GRIN2A: variants seen among roughly 807,000 people sequenced by gnomAD.
GRIN2A encodes the protein glutamate receptor ionotropic, NMDA 2A.
GRIN2A carries 22 observed loss-of-function variants against 113.4 expected under a neutral mutation model. The observed-to-expected ratio is 0.19, with a 90% confidence interval of 0.14 to 0.28. The LOEUF (loss-of-function observed/expected upper bound fraction) is 0.28. GRIN2A is among the 10% of genes least tolerant of loss of function. GRIN2A has a pLI of 1.00. For synonymous variants in GRIN2A, 827 were observed against 738.4 expected, an observed-to-expected ratio of 1.12 and a Z score of -1.94; for missense variants, 1,502 against 1,887.0, an observed-to-expected ratio of 0.80 and a Z score of 3.78.
At position 9,779,819 on chromosome 16, in the gene GRIN2A, T is replaced by A. The variant is rs149827335; in HGVS notation, c.2357-10730A>T. 8.5e-5 allele frequency among the ~76,000 whole-genome samples: 13 copies of A among 152,164 alleles called. No homozygotes were observed. In the East Asian group the frequency reaches 2.5e-3, roughly 29 times the overall value. On this transcript the variant is annotated intron_variant, in intron 11 of 12. Coordinates refer to ENST00000330684, the MANE Select transcript of GRIN2A (RefSeq NM_001134407.3). ...CTTTTCCCAAGTCTAAGGCACCAGA[T>A]GGGGTGAGACAGTGGCCAGGGATGA...
At chr16:10,085,912 T>C (rs2048077411) in intron 2 of GRIN2A, among the ~76,000 whole-genome samples, 1 of 152,178 alleles carries the variant, frequency 6.6e-6, no homozygotes, top group Non-Finnish European at 1.5e-5. Flanking sequence ...CCAAAGTTTA[T>C]GCGCTTAACC....
rs868849193 is a variant in GRIN2A at position 9,759,721 on chromosome 16, A to T, written c.*3428T>A. The stretch of plus-strand genomic sequence containing the variant: ...TAACGCAGAGAGATTTGCAGAGGAC[A>T]TAACAGTAATGAGTGGTGAGATTGT... On this transcript the variant is annotated 3_prime_UTR_variant, in exon 13 of 13. Coordinates refer to ENST00000330684, the MANE Select transcript of GRIN2A (RefSeq NM_001134407.3). 4.4e-6 allele frequency: 1 copy of T among 228,834 alleles called. No individual in the cohort carries two copies. Among genetic ancestry groups the T allele is most frequent in the Non-Finnish European group, 8.7e-6 (1 of 115,406 alleles). 14.2% of individuals were successfully genotyped at this position (228,834 alleles called of 1,614,324 possible). A position where few individuals can be genotyped will look rare whatever the true frequency, so the allele number is the denominator to read the frequency against.
intron 10 of GRIN2A, among the ~76,000 whole-genome samples, chr16:9,818,231 T>G (rs1187643014): frequency 6.6e-6 from 1 of 151,994 alleles, no homozygotes; most frequent in Non-Finnish European, 1.5e-5. Flanking sequence ...CAACACAAAG[T>G]TGATCGGATC....
intron 2 of GRIN2A, among the ~76,000 whole-genome samples, chr16:10,007,555 T>A (rs1461730234): frequency 6.6e-6 from 1 of 152,218 alleles, no homozygotes; most frequent in Non-Finnish European, 1.5e-5. Flanking sequence ...GGATAGTTTT[T>A]AAATATTTTC....
chr16:10,047,916 A>G (rs2047288302), intron 2 of GRIN2A, among the ~76,000 whole-genome samples: 1 of 152,062 alleles, frequency 6.6e-6, no homozygotes, highest in South Asian at 2.1e-4. Flanking sequence ...GCTTACTAAC[A>G]TATGTCTCAC....
intron 2 of GRIN2A, among the ~76,000 whole-genome samples, chr16:9,972,347 T>C (rs1218865835): frequency 1.3e-5 from 2 of 152,138 alleles, no homozygotes; most frequent in Non-Finnish European, 2.9e-5. Flanking sequence ...TTACTTTACA[T>C]ATAAGAAGTA....
At chr16:10,101,678 G>A (rs2048399599) in intron 2 of GRIN2A, among the ~76,000 whole-genome samples, 1 of 152,166 alleles carries the variant, frequency 6.6e-6, no homozygotes, top group Non-Finnish European at 1.5e-5. Context: ...TCCCAGCAAG[G>A]AAAACCTGGG....
chr16:9,799,247 C>T (rs527811738), intron 10 of GRIN2A, among the ~76,000 whole-genome samples: 1 of 152,290 alleles, frequency 6.6e-6, no homozygotes, highest in Admixed American at 6.5e-5. Flanking sequence ...GTAGGGTGAA[C>T]CCCTAATCCA....
rs564567423 is a variant in GRIN2A at position 9,849,249 on chromosome 16, AG to A, written c.1328+506del. Among the ~76,000 whole-genome samples the A allele has an allele frequency of 3.9e-3, 565 of 145,820 alleles. 3 individuals are homozygous for A. The highest frequency in any genetic ancestry group is 0.012 in the Admixed American group (174 of 14,478). ...TAATGTTTTATATTTTAATATATTAAGATATGTTTTATATTTATTTTAATAT... is the reference window on the plus strand; with the variant it reads ...TAATGTTTTATATTTTAATATATTAAATATGTTTTATATTTATTTTAATAT... On this transcript the variant is annotated intron_variant, in intron 5 of 12. Transcript: ENST00000330684.
intron 5 of GRIN2A, 63 bp downstream of exon 5, chr16:9,849,693 T>G (rs1195766435): frequency 8.6e-7 from 1 of 1,157,806 alleles, no homozygotes; most frequent in African/African-American, 1.5e-5. Flanking sequence ...ATTGTTACTA[T>G]CGATGATCCA....
At chr16:9,777,841 A>T (rs1347363131) in intron 11 of GRIN2A, among the ~76,000 whole-genome samples, 2 of 152,250 alleles carry the variant, frequency 1.3e-5, no homozygotes, top group African/African-American at 4.8e-5. Context: ...AGGCACGCAG[A>T]TCACCTGGGG....
intron 2 of GRIN2A, among the ~76,000 whole-genome samples, chr16:10,018,886 C>T (rs546499990): frequency 5.3e-5 from 8 of 152,326 alleles, no homozygotes; most frequent in Non-Finnish European, 1.2e-4. Context: ...TCCACCTTCC[C>T]AATCTGAGCA....
At chr16:10,002,167 T>A (rs752491925) in intron 2 of GRIN2A, among the ~76,000 whole-genome samples, 68 of 152,104 alleles carry the variant, frequency 4.5e-4, no homozygotes, top group Non-Finnish European at 9.1e-4. Flanking sequence ...GCAAATGGCA[T>A]AAAATAATCA....
intron 2 of GRIN2A, among the ~76,000 whole-genome samples, chr16:9,990,781 C>A (rs1159614092): frequency 6.6e-6 from 1 of 151,900 alleles, no homozygotes; most frequent in African/African-American, 2.4e-5. Flanking sequence ...TAAGAAATAA[C>A]TTGGGCTAGG....
rs531659566 is a variant in GRIN2A, at chr16:10,098,941, C to A, written c.414+81057G>T. The stretch of plus-strand genomic sequence containing the variant: ...ATACCTACTGTCCCCCCTCCCCCCC[C>A]CAAAAAAAACCTATGGAAATTTTAG... On this transcript the variant is annotated intron_variant, in intron 2 of 12. Coordinates refer to ENST00000330684, the MANE Select transcript of GRIN2A (RefSeq NM_001134407.3). 8.6e-4 allele frequency among the ~76,000 whole-genome samples: 108 copies of A among 125,940 alleles called. 1 individual carries two copies. In the Middle Eastern group the frequency reaches 0.022, roughly 25 times the overall value. The allele number at this position is 125,940 out of a possible 152,430, so 82.6% of individuals were successfully genotyped here. A position where few individuals can be genotyped will look rare whatever the true frequency, so the allele number is the denominator to read the frequency against.
Position 9,769,078 on chromosome 16 carries a change from C to G in GRIN2A, c.2368G>C (p.Glu790Gln). 1 of 1,613,368 alleles carries G rather than the reference C, an allele frequency of 6.2e-7. No homozygotes were observed. The highest frequency in any genetic ancestry group is 8.5e-7 in the Non-Finnish European group (1 of 1,179,318). ...LQFVGDGEME[E>Q]LETLWLTGIC... ...CCAGTGAGCCACAGGGTCTCCAGCT[C>G]CTCCATCTCACCTGGACAGATCACA... The change falls in exon 12 of 13, where the codon GAG becomes CAG. Residue 790 changes from glutamate (E) to glutamine (Q), a missense_variant. Transcript: ENST00000330684.
chr16:10,179,839 G>A, intron 2 of GRIN2A, 159 bp downstream of exon 2: 1 of 695,882 alleles, frequency 1.4e-6, no homozygotes, highest in Non-Finnish European at 2.6e-6. Context: ...GGTTGGAGAG[G>A]CAAGACCTGG....
chr16:9,866,599 A>G (rs901192510), intron 4 of GRIN2A, among the ~76,000 whole-genome samples: 4 of 152,204 alleles, frequency 2.6e-5, no homozygotes, highest in Non-Finnish European at 5.9e-5. Context: ...CTCTGACTCA[A>G]CACCTGGGGA....
chr16:9,932,210 G>A (rs186131781), intron 3 of GRIN2A, among the ~76,000 whole-genome samples: 19 of 152,214 alleles, frequency 1.2e-4, no homozygotes, highest in Admixed American at 2.6e-4. Flanking sequence ...GCCCTGCCCC[G>A]CCTGATAATC....
Sources: allele counts gnomAD v4.1 joint callset (sites outside exome capture counted in the v4.1 genomes callset), GRCh38; gene constraint gnomAD v4.1.1; transcripts MANE v1.5; gene names NCBI Gene and HGNC (gene_info 2026-07-23, HGNC 2026-07-21).